The following HSD11B1 variants were observed in gnomAD, a reference collection of about 807,000 sequenced individuals.
HSD11B1 encodes the protein 11-beta-hydroxysteroid dehydrogenase 1.
Under a neutral mutation model 22.1 loss-of-function variants are expected in HSD11B1, and 15 were observed. That is an observed-to-expected ratio of 0.68 (90% CI 0.45 to 1.04). The LOEUF (loss-of-function observed/expected upper bound fraction) is 1.04, where lower values mean the gene tolerates loss of function less well. Among genes scored for constraint, HSD11B1 ranks in the 50% least tolerant of loss-of-function variants. The pLI, the probability that HSD11B1 is intolerant of heterozygous loss-of-function variation, is 0.00. For synonymous variants in HSD11B1, 122 were observed against 125.2 expected, an observed-to-expected ratio of 0.97 and a Z score of 0.17; for missense variants, 281 against 357.6, an observed-to-expected ratio of 0.79 and a Z score of 1.73.
At position 209,706,909 on chromosome 1, in the gene HSD11B1, C is replaced by T; in HGVS notation, c.332-34C>T. ...GAGGAGAATGGGAAAGGTATCAACC[C>T]CAGATGATTTCTTAATATAGCCATC... On this transcript the variant is annotated intron_variant, in intron 3 of 5. Transcript: ENST00000367027. This position sits in a 1 kb window ranked among gnomAD's most constrained non-coding sequence, Gnocchi z 4.0. 1 of 1,610,816 alleles carries T rather than the reference C, an allele frequency of 6.2e-7. No individual in the cohort carries two copies. Among genetic ancestry groups the T allele is most frequent in the Non-Finnish European group, 8.5e-7 (1 of 1,177,034 alleles).
chr1:209,711,390 G>C (rs1193080745), intron 4 of HSD11B1, among the ~76,000 whole-genome samples: 3 of 152,192 alleles, frequency 2.0e-5, no homozygotes. Context: ...AGAGTGGAAA[G>C]GGGCAATTTA....
chr1:209,700,585 A>G (rs890064684), upstream of HSD11B1, among the ~76,000 whole-genome samples: 9 of 152,114 alleles, frequency 5.9e-5, no homozygotes, highest in Non-Finnish European at 8.8e-5. Flanking sequence ...CATTTTCCTC[A>G]TGGTTTTGGG....
intron 4 of HSD11B1, among the ~76,000 whole-genome samples, chr1:209,719,019 CAAAAA>C (rs56342028): frequency 1.4e-4 from 5 of 35,706 alleles, no homozygotes; most frequent in East Asian, 1.3e-3. Flanking sequence ...GACTCCATCT[CAAAAA>C]AAAAAAAAAA....
chr1:209,706,032 G>T lies in HSD11B1; in HGVS notation c.219+91G>T. ...ACATATACACAGAAGCTAGCATATCGCAGATCTATATACAGAGGCACATGC... is the reference window on the plus strand; with the variant it reads ...ACATATACACAGAAGCTAGCATATCTCAGATCTATATACAGAGGCACATGC... On this transcript the variant is annotated intron_variant, in intron 2 of 5. Coordinates refer to ENST00000367027, the MANE Select transcript of HSD11B1 (RefSeq NM_005525.4). This position sits in a 1 kb window ranked among gnomAD's most constrained non-coding sequence, Gnocchi z 4.0. 3 of 1,542,266 alleles carry T rather than the reference G, an allele frequency of 1.9e-6. No individual in the cohort carries two copies. Among genetic ancestry groups the T allele is most frequent in the Non-Finnish European group, 2.7e-6 (3 of 1,119,034 alleles).
At chr1:209,715,214 A>G (rs2076922801) in intron 4 of HSD11B1, among the ~76,000 whole-genome samples, 1 of 152,170 alleles carries the variant, frequency 6.6e-6, no homozygotes, top group Non-Finnish European at 1.5e-5. Context: ...AAGGAAGAAA[A>G]TGAGAATGAA....
At chr1:209,726,926 C>T (rs1430724931) in intron 4 of HSD11B1, among the ~76,000 whole-genome samples, 2 of 152,134 alleles carry the variant, frequency 1.3e-5, no homozygotes, top group Non-Finnish European at 2.9e-5. Context: ...ATGTCATAGT[C>T]AATATCTTTA....
chr1:209,695,340 G>T (rs1166563682), intron 1 of HSD11B1, among the ~76,000 whole-genome samples: 1 of 152,192 alleles, frequency 6.6e-6, no homozygotes, highest in Non-Finnish European at 1.5e-5. Context: ...AGATACTTAG[G>T]AGGTAGAATC....
rs576125128 is a variant in HSD11B1, at chr1:209,706,032, G to A, written c.219+91G>A. On this transcript the variant is annotated intron_variant, in intron 2 of 5. Transcript: ENST00000367027. This position sits in a 1 kb window ranked among gnomAD's most constrained non-coding sequence, Gnocchi z 4.0. ...ACATATACACAGAAGCTAGCATATCGCAGATCTATATACAGAGGCACATGC... is the reference window on the plus strand; with the variant it reads ...ACATATACACAGAAGCTAGCATATCACAGATCTATATACAGAGGCACATGC... 1.0e-4 allele frequency: 159 copies of A among 1,542,262 alleles called. No individual in the cohort carries two copies. The highest frequency in any genetic ancestry group is 7.9e-4 in the South Asian group (70 of 88,604).
chr1:209,724,303 C>T (rs2076986862), intron 4 of HSD11B1, among the ~76,000 whole-genome samples: 1 of 152,222 alleles, frequency 6.6e-6, no homozygotes, highest in Non-Finnish European at 1.5e-5. Context: ...GTCACTCTCA[C>T]AAAGACTGAC....
At chr1:209,712,978 G>A (rs1376659602) in intron 4 of HSD11B1, among the ~76,000 whole-genome samples, 1 of 152,124 alleles carries the variant, frequency 6.6e-6, no homozygotes, top group Non-Finnish European at 1.5e-5. Flanking sequence ...GAACCTGGGA[G>A]GTGGAGGTTG....
At chr1:209,692,615 G>GC (rs905821704) in intron 1 of HSD11B1, among the ~76,000 whole-genome samples, 1 of 114,484 alleles carries the variant, frequency 8.7e-6, no homozygotes, top group Non-Finnish European at 1.9e-5. Context: ...GGCGGGGGGG[G>GC]GGGTGGGGGC....
chr1:209,706,868 C>T lies in HSD11B1; in HGVS notation c.331+48C>T, dbSNP rs773078969. 2 of 1,599,900 alleles carry T rather than the reference C, an allele frequency of 1.3e-6. No individual in the cohort carries two copies. The highest frequency in any genetic ancestry group is 2.2e-5 in the South Asian group (2 of 90,708). On this transcript the variant is annotated intron_variant, in intron 3 of 5. Transcript: ENST00000367027. The surrounding 1 kb of genome is among the most constrained non-coding windows in gnomAD (Gnocchi z 4.0). ...CTCCTCTGAACTTTGCCCTTGGGGT[C>T]ACCAAGAGCTTTTGGGAGGAGAATG... is the stretch of plus-strand genomic sequence containing the variant.
chr1:209,716,380 A>T (rs1230345119), intron 4 of HSD11B1, among the ~76,000 whole-genome samples: 1 of 151,818 alleles, frequency 6.6e-6, no homozygotes, highest in Non-Finnish European at 1.5e-5. Flanking sequence ...GAGGTGAAAG[A>T]CCTCTACAGG....
chr1:209,705,372 CAAA>C (rs5780533), intron 1 of HSD11B1, among the ~76,000 whole-genome samples: 8 of 83,032 alleles, frequency 9.6e-5, no homozygotes, highest in African/African-American at 1.6e-4. Context: ...AAGTGGGAGG[CAAA>C]AAAAAAAAAA....
At chr1:209,726,657 T>G (rs1267575938) in intron 4 of HSD11B1, among the ~76,000 whole-genome samples, 1 of 152,202 alleles carries the variant, frequency 6.6e-6, no homozygotes, top group African/African-American at 2.4e-5. Flanking sequence ...CAGGTGGTCT[T>G]CTGACATGTC....
intron 4 of HSD11B1, chr1:209,723,940 G>A (rs750811786): frequency 6.6e-6 from 1 of 152,246 alleles, no homozygotes; most frequent in Non-Finnish European, 1.5e-5. Context: ...TGGAATACTA[G>A]TTATTCTTCT....
At position 209,734,609 on chromosome 1, in the gene HSD11B1, C is replaced by A; in HGVS notation, c.*88C>A. On this transcript the variant is annotated 3_prime_UTR_variant, in exon 6 of 6. Coordinates refer to ENST00000367027, the MANE Select transcript of HSD11B1 (RefSeq NM_005525.4). ...AGCTCTTATCTATGAAGACATCTTC[C>A]CAGAGTGTCCCCAGAGACATGCAAG... 1.0e-6 allele frequency: 1 copy of A among 989,426 alleles called. No individual in the cohort carries two copies. The highest frequency in any genetic ancestry group is 1.6e-6 in the Non-Finnish European group (1 of 627,172). 61.3% of individuals were successfully genotyped at this position (989,426 alleles called of 1,614,324 possible).
In HSD11B1 at chr1:209,734,575, G is replaced by C; in HGVS notation, c.*54G>C. 1 of 1,264,404 alleles carries C rather than the reference G, an allele frequency of 7.9e-7. No individual in the cohort carries two copies. The highest frequency in any genetic ancestry group is 1.2e-6 in the Non-Finnish European group (1 of 868,650). The allele number at this position is 1,264,404 out of a possible 1,614,324, so 78.3% of individuals were successfully genotyped here. ...GGATTTTGGGACTGTTCTGTCTCAT[G>C]TTTATCTGAGCTCTTATCTATGAAG... On this transcript the variant is annotated 3_prime_UTR_variant, in exon 6 of 6. Transcript: ENST00000367027.
chr1:209,698,619 T>C (rs564138070), intron 1 of HSD11B1, among the ~76,000 whole-genome samples: 1 of 152,342 alleles, frequency 6.6e-6, no homozygotes, highest in East Asian at 1.9e-4. Context: ...GTTTAGTTCT[T>C]ACATGGCCCC....
Sources: allele counts gnomAD v4.1 joint callset (sites outside exome capture counted in the v4.1 genomes callset), GRCh38; gene constraint gnomAD v4.1.1; non-coding constraint Gnocchi (gnomAD v3.1); transcripts MANE v1.5; gene names NCBI Gene and HGNC (gene_info 2026-07-23, HGNC 2026-07-21).